The following FRYL variants were observed in gnomAD, a reference collection of about 807,000 sequenced individuals.
FRYL encodes FRY like transcription coactivator.
FRYL carries 150 observed loss-of-function variants against 351.2 expected under a neutral mutation model. The ratio of observed to expected loss-of-function variants is 0.43; its 90% confidence interval spans 0.37 to 0.49. The LOEUF (loss-of-function observed/expected upper bound fraction) is 0.49. Ranked by LOEUF, FRYL falls within the 20% of genes least tolerant of loss-of-function variation. FRYL has a pLI of 0.00. For synonymous variants in FRYL, 1,153 were observed against 1,257.1 expected (o/e 0.92, Z 1.75); for missense variants, 3,036 against 3,619.3 (o/e 0.84, Z 4.13).
At chr4:48,536,608 C>T (rs1728943501) in intron 47 of FRYL, among the ~76,000 whole-genome samples, 1 of 152,160 alleles carries the variant, frequency 6.6e-6, no homozygotes, top group African/African-American at 2.4e-5. Context: ...TGGCCTCTCC[C>T]AGGGGACACC....
In FRYL at chr4:48,687,641, C is replaced by G. The variant is rs114958910; in HGVS notation, c.-203-2846G>C. ...TTCTAGAATAATAACAGAAATGCCA[C>G]AAATTTATCTTAATTTTAGGAAGAC... On this transcript the variant is annotated intron_variant, in intron 2 of 63. Coordinates refer to ENST00000358350, the MANE Select transcript of FRYL (RefSeq NM_015030.2). Among the ~76,000 whole-genome samples, 1,270 of 152,192 alleles carry G rather than the reference C, an allele frequency of 8.3e-3. 13 individuals are homozygous for G. The highest frequency in any genetic ancestry group is 0.029 in the African/African-American group (1,204 of 41,532).
intron 3 of FRYL, among the ~76,000 whole-genome samples, chr4:48,683,275 G>T (rs1048504935): frequency 4.0e-5 from 6 of 151,826 alleles, no homozygotes; most frequent in African/African-American, 9.7e-5. Context: ...GTCAGGGGGT[G>T]GGGGGCTAGG....
intron 13 of FRYL, among the ~76,000 whole-genome samples, chr4:48,600,604 C>T (rs913293954): frequency 5.9e-5 from 9 of 151,814 alleles, no homozygotes; most frequent in African/African-American, 2.2e-4. Flanking sequence ...TTAGGTGAAA[C>T]GTATATATAT....
intron 13 of FRYL, among the ~76,000 whole-genome samples, chr4:48,600,056 G>A (rs1375485181): frequency 3.3e-5 from 5 of 151,556 alleles, no homozygotes; most frequent in Admixed American, 6.6e-5. Flanking sequence ...GCAGTGAGCC[G>A]AGATCATTCC....
chr4:48,642,837 A>T (rs1189458588), intron 3 of FRYL, among the ~76,000 whole-genome samples: 1 of 152,152 alleles, frequency 6.6e-6, no homozygotes, highest in Non-Finnish European at 1.5e-5. Flanking sequence ...GAGGTATTTT[A>T]AAAATGTGCA....
At chr4:48,523,993 C>T (rs1577933225) in intron 53 of FRYL, among the ~76,000 whole-genome samples, 1 of 152,096 alleles carries the variant, frequency 6.6e-6, no homozygotes, top group South Asian at 2.1e-4. Flanking sequence ...TCAATTTCTC[C>T]CACTTAAGGA....
At chr4:48,720,048 G>A (rs1769291769) in intron 1 of FRYL, among the ~76,000 whole-genome samples, 1 of 150,780 alleles carries the variant, frequency 6.6e-6, no homozygotes, top group African/African-American at 2.4e-5. Context: ...TACTTGGGAG[G>A]CTGAGGCAGG....
intron 3 of FRYL, among the ~76,000 whole-genome samples, chr4:48,672,451 T>C (rs1024185382): frequency 8.5e-5 from 13 of 152,188 alleles, no homozygotes; most frequent in Admixed American, 8.5e-4. Flanking sequence ...TGAAAAGTAC[T>C]CCGAAGACCC....
chr4:48,529,679 G>A (rs905680178), intron 50 of FRYL, among the ~76,000 whole-genome samples: 1 of 152,104 alleles, frequency 6.6e-6, no homozygotes. Context: ...AGTAAGTAGA[G>A]CTTCAATTTT....
chr4:48,723,970 CA>C (rs71988957), intron 1 of FRYL, among the ~76,000 whole-genome samples: 17 of 111,144 alleles, frequency 1.5e-4, no homozygotes, highest in African/African-American at 5.7e-4. Context: ...ATAATAATAA[CA>C]AAAAAAATTA....
chr4:48,609,967 A>G, intron 7 of FRYL, 144 bp from the exon 8 acceptor site: 1 of 465,190 alleles, frequency 2.1e-6, no homozygotes, highest in South Asian at 4.8e-5. Flanking sequence ...TTTTCTGAGA[A>G]TCTCGTTTTC....
chr4:48,578,248 T>G (rs1291224834), intron 23 of FRYL, among the ~76,000 whole-genome samples: 1 of 152,108 alleles, frequency 6.6e-6, no homozygotes, highest in African/African-American at 2.4e-5. Flanking sequence ...GAAGTCAGGT[T>G]TGAAGAGCCT....
At chr4:48,717,835 A>G (rs1306180598) in intron 1 of FRYL, among the ~76,000 whole-genome samples, 1 of 151,494 alleles carries the variant, frequency 6.6e-6, no homozygotes, top group South Asian at 2.1e-4. Flanking sequence ...GCTATCACGC[A>G]TGGCCTTAAG....
chr4:48,645,540 T>C (rs1756302919), intron 3 of FRYL, among the ~76,000 whole-genome samples: 1 of 152,200 alleles, frequency 6.6e-6, no homozygotes, highest in Non-Finnish European at 1.5e-5. Context: ...AAAGATTTCA[T>C]ATATACTCTC....
chr4:48,513,232 G>A (rs1473181884), intron 56 of FRYL, among the ~76,000 whole-genome samples: 8 of 152,134 alleles, frequency 5.3e-5, no homozygotes, highest in Non-Finnish European at 8.8e-5. Flanking sequence ...TAGTTACTGG[G>A]TAAGAAATGA....
Position 48,710,186 on chromosome 4 carries a change from G to A in FRYL, c.-204+333C>T, listed in dbSNP as rs528229386. 3.3e-5 allele frequency among the ~76,000 whole-genome samples: 5 copies of A among 152,350 alleles called. No homozygotes were observed. In the South Asian group the frequency reaches 8.3e-4, roughly 25 times the overall value. ...ATAATTTACAATTGCCAGGAAGTAG[G>A]AGGATATTCTTCAACAAATGGGCTG... is the stretch of plus-strand genomic sequence containing the variant. On this transcript the variant is annotated intron_variant, in intron 2 of 63. Transcript: ENST00000358350.
chr4:48,691,801 A>T (rs1765703959), intron 2 of FRYL, among the ~76,000 whole-genome samples: 1 of 152,216 alleles, frequency 6.6e-6, no homozygotes, highest in Admixed American at 6.5e-5. Flanking sequence ...CTTCCTACAT[A>T]AATTAAACAC....
At chr4:48,696,684 T>TAA (rs1766196675) in intron 2 of FRYL, among the ~76,000 whole-genome samples, 1 of 152,064 alleles carries the variant, frequency 6.6e-6, no homozygotes, top group Admixed American at 6.6e-5. Context: ...TCCCGGAACT[T>TAA]AAAGTATAAT....
intron 1 of FRYL, among the ~76,000 whole-genome samples, chr4:48,767,245 G>A (rs1553886332): frequency 6.6e-6 from 1 of 151,850 alleles, no homozygotes; most frequent in Non-Finnish European, 1.5e-5. Context: ...ATGGCCAGTA[G>A]GAGAGAGAGA....
Sources: allele counts gnomAD v4.1 joint callset (sites outside exome capture counted in the v4.1 genomes callset), GRCh38; gene constraint gnomAD v4.1.1; transcripts MANE v1.5; gene names NCBI Gene and HGNC (gene_info 2026-07-23, HGNC 2026-07-21).